ATP6V1C1: variants seen among roughly 807,000 people sequenced by gnomAD.
The protein encoded by ATP6V1C1 is V-type proton ATPase subunit C 1.
In ATP6V1C1, 45 loss-of-function variants were observed where a neutral mutation model predicts 53.9. The ratio of observed to expected loss-of-function variants is 0.83; its 90% CI spans 0.66 to 1.07. ATP6V1C1 has a LOEUF of 1.07. Among genes scored for constraint, ATP6V1C1 ranks in the 50% least tolerant of loss-of-function variants. The probability of loss-of-function intolerance (pLI) is 0.00; values close to 1 mark genes in which losing one functional copy is unlikely to be tolerated. For missense variants in ATP6V1C1, 315 were observed against 440.3 expected (o/e 0.72, Z 2.55); for synonymous variants, 153 against 155.2 (o/e 0.99, Z 0.11).
At chr8:103,056,490 A>T (rs1817290885) in intron 8 of ATP6V1C1, among the ~76,000 whole-genome samples, 1 of 152,314 alleles carries the variant, frequency 6.6e-6, no homozygotes, top group East Asian at 1.9e-4. Context: ...GCATTGTCTA[A>T]TTTGAAATTT....
rs188136141 is a variant in ATP6V1C1 at position 103,032,669 on chromosome 8, G to C, written c.-39-8129G>C. On this transcript the variant is annotated intron_variant, in intron 1 of 12. Transcript: ENST00000518738. ...ATTTTTGTAATTTTAGTAGAGACAGGGTTTCAGCATGTTGGCTAGACTGGT... is the reference window on the plus strand; with the variant it reads ...ATTTTTGTAATTTTAGTAGAGACAGCGTTTCAGCATGTTGGCTAGACTGGT... Among the ~76,000 whole-genome samples the C allele has an allele frequency of 2.3e-4, 35 of 152,014 alleles. No individual in the cohort carries two copies. In the East Asian group the frequency reaches 6.6e-3, roughly 29 times the overall value.
At chr8:103,061,663 A>G (rs1817400396) in intron 8 of ATP6V1C1, among the ~76,000 whole-genome samples, 2 of 152,338 alleles carry the variant, frequency 1.3e-5, no homozygotes, top group Non-Finnish European at 2.9e-5. Flanking sequence ...TCCACACTTC[A>G]GATTATAGAC....
chr8:103,050,422 G>A (rs958864162), intron 4 of ATP6V1C1, among the ~76,000 whole-genome samples: 1 of 152,148 alleles, frequency 6.6e-6, no homozygotes, highest in African/African-American at 2.4e-5. Flanking sequence ...ATTTTTATAT[G>A]AATTACTTCC....
At chr8:103,054,396 A>AT (rs34020074) in intron 7 of ATP6V1C1, among the ~76,000 whole-genome samples, 2 of 152,182 alleles carry the variant, frequency 1.3e-5, no homozygotes, top group African/African-American at 2.4e-5. Flanking sequence ...GAGATTAGCA[A>AT]TTTTTTTCTA....
chr8:103,053,528 G>T (rs750873813), intron 6 of ATP6V1C1, among the ~76,000 whole-genome samples: 1 of 151,918 alleles, frequency 6.6e-6, no homozygotes, highest in Non-Finnish European at 1.5e-5. Flanking sequence ...TAAAGGTATT[G>T]TGCTTAGATG....
At chr8:103,052,662 CT>C in intron 5 of ATP6V1C1, 68 bp from the exon 6 acceptor site, 1 of 803,000 alleles carries the variant, frequency 1.2e-6, no homozygotes. Context: ...AGTTTAGCTA[CT>C]TTGATAGTAT....
chr8:103,064,530 C>G (rs1374649959), intron 10 of ATP6V1C1, 184 bp from the exon 11 acceptor site: 3 of 488,904 alleles, frequency 6.1e-6, no homozygotes, highest in Non-Finnish European at 1.1e-5. Context: ...AGTGGCGAAC[C>G]TTTTAATCTA....
intron 2 of ATP6V1C1, among the ~76,000 whole-genome samples, chr8:103,042,069 TGATCCAGTGTCATTG>T (rs1817010628): frequency 1.3e-5 from 2 of 152,164 alleles, no homozygotes; most frequent in African/African-American, 4.8e-5. Context: ...AGACTTCAAA[TGATCCAGTGTCATTG>T]AATAGTACAA....
intron 1 of ATP6V1C1, among the ~76,000 whole-genome samples, chr8:103,029,615 G>A (rs1180209701): frequency 2.0e-5 from 3 of 152,152 alleles, no homozygotes; most frequent in African/African-American, 7.2e-5. Context: ...CCCATGTGAT[G>A]TGTAATTATT....
intron 8 of ATP6V1C1, among the ~76,000 whole-genome samples, chr8:103,058,263 G>A (rs542477809): frequency 6.7e-4 from 102 of 152,302 alleles, no homozygotes; most frequent in African/African-American, 2.2e-3. Context: ...CTAATCTTCC[G>A]AGAGCTTCCA....
chr8:103,063,344 A>G (rs1317747234), intron 10 of ATP6V1C1, 116 bp downstream of exon 10: 4 of 675,572 alleles, frequency 5.9e-6, no homozygotes, highest in Admixed American at 3.3e-5. Flanking sequence ...ATTTGATTTT[A>G]GTTTTTTTTT....
intron 1 of ATP6V1C1, among the ~76,000 whole-genome samples, chr8:103,027,522 T>C (rs1053981143): frequency 6.6e-6 from 1 of 152,212 alleles, no homozygotes; most frequent in Non-Finnish European, 1.5e-5. Flanking sequence ...GTAATAGTTA[T>C]TGTTTTATTG....
intron 8 of ATP6V1C1, among the ~76,000 whole-genome samples, chr8:103,059,947 G>GTA (rs1373949945): frequency 4.0e-5 from 6 of 148,968 alleles, no homozygotes; most frequent in African/African-American, 9.9e-5. Context: ...AGCCATATAT[G>GTA]TATATATATA....
chr8:103,064,565 A>G (rs1406823448), intron 10 of ATP6V1C1, 149 bp from the exon 11 acceptor site: 1 of 593,464 alleles, frequency 1.7e-6, no homozygotes, highest in African/African-American at 1.9e-5. Flanking sequence ...ATCTGAGATA[A>G]TGAGAATAAT....
intron 1 of ATP6V1C1, among the ~76,000 whole-genome samples, chr8:103,032,558 A>G (rs906119574): frequency 3.3e-5 from 5 of 151,558 alleles, no homozygotes; most frequent in Non-Finnish European, 7.4e-5. Flanking sequence ...GCTCACTGCA[A>G]CCTCCACCTT....
chr8:103,053,971 A>G lies in ATP6V1C1; in HGVS notation c.561A>G (p.Val187=). The G allele has an allele frequency of 1.2e-6, 2 of 1,606,168 alleles. No individual in the cohort carries two copies. Among genetic ancestry groups the G allele is most frequent in the Non-Finnish European group, 1.7e-6 (2 of 1,175,764 alleles). Residue 187 remains valine, a synonymous_variant, in exon 7 of 13, where the codon GTA becomes GTG. Transcript: ENST00000518738. ...CAGAGTATCTCGTCACATTACTGGT[A>G]GTAGTTCCCAAGTAAGTCTTTCTAT... ...LDSEYLVTLL[V]VVPKLNHNDW...
At position 103,071,888 on chromosome 8, in the gene ATP6V1C1, G is replaced by A; in HGVS notation, c.*3141G>A. ...CGCCTCAGCCTCCCAAAGTGCTGGT[G>A]TTACAGGCATAAGCCACCACGCCTG... is the stretch of plus-strand genomic sequence containing the variant. On this transcript the variant is annotated 3_prime_UTR_variant, in exon 13 of 13. Coordinates refer to ENST00000518738, the MANE Select transcript of ATP6V1C1 (RefSeq NM_001695.5). 1 of 152,478 alleles carries A rather than the reference G, an allele frequency of 6.6e-6. No individual in the cohort carries two copies. The highest frequency in any genetic ancestry group is 1.5e-5 in the Non-Finnish European group (1 of 68,234). 9.4% of individuals were successfully genotyped at this position (152,478 alleles called of 1,614,324 possible).
intron 3 of ATP6V1C1, among the ~76,000 whole-genome samples, chr8:103,046,322 T>G (rs1393921974): frequency 6.6e-6 from 1 of 152,166 alleles, no homozygotes; most frequent in Non-Finnish European, 1.5e-5. Context: ...TCCTTTTACC[T>G]CAGTTTCCTG....
Position 103,068,702 on chromosome 8 carries a change from C to G in ATP6V1C1, c.1104C>G (p.Pro368=), listed in dbSNP as rs748419819. 32 of 1,611,394 alleles carry G rather than the reference C, an allele frequency of 2.0e-5. No individual in the cohort carries two copies. In the East Asian group the frequency reaches 6.9e-4, roughly 35 times the overall value. ...GLNLSQQEYY[P]YVYYKIDCNL... ...ACCTGAGTCAACAAGAATACTACCC[C>G]TATGTGTACTACAAGATTGATTGCA... The change falls in exon 13 of 13, where the codon CCC becomes CCG. Residue 368 remains proline, a synonymous_variant. Transcript: ENST00000518738.
Sources: allele counts gnomAD v4.1 joint callset (sites outside exome capture counted in the v4.1 genomes callset), GRCh38; gene constraint gnomAD v4.1.1; transcripts MANE v1.5; gene names NCBI Gene and HGNC (gene_info 2026-07-23, HGNC 2026-07-21).